Variants in VTI1A observed in about 807,000 individuals in gnomAD.
VTI1A encodes the protein vesicle transport through interaction with t-SNAREs homolog 1A.
In VTI1A, 22 loss-of-function variants were observed where a neutral mutation model predicts 34.9. The ratio of observed to expected loss-of-function variants is 0.63; its 90% CI spans 0.45 to 0.90. The LOEUF (loss-of-function observed/expected upper bound fraction) is 0.90. Among genes scored for constraint, VTI1A ranks in the 40% least tolerant of loss-of-function variants. The pLI is 0.00. For missense variants in VTI1A, 268 were observed against 275.6 expected, an observed-to-expected ratio of 0.97 and a Z score of 0.20; for synonymous variants, 87 against 97.3, an observed-to-expected ratio of 0.89 and a Z score of 0.62.
At chr10:112,763,919 C>A (rs1409246522) in intron 7 of VTI1A, among the ~76,000 whole-genome samples, 7 of 152,176 alleles carry the variant, frequency 4.6e-5, no homozygotes, top group African/African-American at 1.7e-4. Flanking sequence ...TGATCTCAAT[C>A]GGTTTATCTG....
chr10:112,517,881 A>T (rs935738352), intron 3 of VTI1A, among the ~76,000 whole-genome samples: 1 of 152,048 alleles, frequency 6.6e-6, no homozygotes, highest in African/African-American at 2.4e-5. Flanking sequence ...CTTGGATGGG[A>T]TCCTGGAATA....
At chr10:112,627,655 G>T (rs987433711) in intron 5 of VTI1A, among the ~76,000 whole-genome samples, 1 of 151,994 alleles carries the variant, frequency 6.6e-6, no homozygotes, top group Non-Finnish European at 1.5e-5. Flanking sequence ...ACACATACAT[G>T]TGCATATATT....
intron 7 of VTI1A, among the ~76,000 whole-genome samples, chr10:112,787,679 C>A (rs1181266776): frequency 7.5e-6 from 1 of 133,370 alleles, no homozygotes; most frequent in Admixed American, 7.9e-5. Flanking sequence ...AAATTAGTTT[C>A]TTTTTTCTTT....
chr10:112,745,364 G>A (rs577197174), intron 7 of VTI1A, among the ~76,000 whole-genome samples: 2 of 152,230 alleles, frequency 1.3e-5, no homozygotes, highest in African/African-American at 4.8e-5. Context: ...TATATGAGCT[G>A]TAGGATTTGG....
At chr10:112,744,335 A>G (rs943912804) in intron 7 of VTI1A, among the ~76,000 whole-genome samples, 1 of 152,174 alleles carries the variant, frequency 6.6e-6, no homozygotes, top group Non-Finnish European at 1.5e-5. Context: ...TTCTGGCTAG[A>G]AATTTAAAAA....
chr10:112,725,701 A>G (rs1308397354), intron 7 of VTI1A, among the ~76,000 whole-genome samples: 1 of 152,252 alleles, frequency 6.6e-6, no homozygotes, highest in Non-Finnish European at 1.5e-5. Flanking sequence ...TACAGTTCAT[A>G]TCAGAAAAGC....
chr10:112,808,289 T>C (rs1422370553), intron 7 of VTI1A, among the ~76,000 whole-genome samples: 1 of 151,764 alleles, frequency 6.6e-6, no homozygotes, highest in East Asian at 2.0e-4. Context: ...TGGAACCTCA[T>C]GAATTTGCAG....
At chr10:112,469,965 G>A (rs536359654) in intron 3 of VTI1A, among the ~76,000 whole-genome samples, 4 of 152,164 alleles carry the variant, frequency 2.6e-5, no homozygotes, top group African/African-American at 7.2e-5. Context: ...CTCCCCCTCC[G>A]TGTGCTGCAA....
chr10:112,548,628 AT>A, intron 5 of VTI1A: 1 of 1,030,036 alleles, frequency 9.7e-7, no homozygotes, highest in Non-Finnish European at 1.5e-6. Context: ...GATAATATTC[AT>A]TTAGCCTTCT....
chr10:112,618,524 T>TATATATATATATATAGAGAGAGAGAG (rs748276058), intron 5 of VTI1A, among the ~76,000 whole-genome samples: 1 of 34,580 alleles, frequency 2.9e-5, no homozygotes. Flanking sequence ...TATATATATA[T>TATATATATATATATAGAGAGAGAGAG]AGAGAGAGAG....
At chr10:112,797,964 A>T (rs1852731015) in intron 7 of VTI1A, among the ~76,000 whole-genome samples, 1 of 152,190 alleles carries the variant, frequency 6.6e-6, no homozygotes, top group Admixed American at 6.5e-5. Flanking sequence ...TGTGAGATAG[A>T]AACTCAGCCT....
chr10:112,532,373 A>G (rs905162291), intron 4 of VTI1A, among the ~76,000 whole-genome samples: 1 of 152,240 alleles, frequency 6.6e-6, no homozygotes, highest in Non-Finnish European at 1.5e-5. Context: ...TTTAAAAATT[A>G]TCAGTCGTAG....
At chr10:112,842,743 A>G in the VTI1A span, among the ~76,000 whole-genome samples, 1 of 152,222 alleles carries the variant, frequency 6.6e-6, no homozygotes, top group African/African-American at 2.4e-5. Flanking sequence ...AAATGCAGCA[A>G]GCATCCACCT....
intron 4 of VTI1A, among the ~76,000 whole-genome samples, chr10:112,534,229 T>C (rs1850544972): frequency 6.6e-6 from 1 of 152,192 alleles, no homozygotes; most frequent in Admixed American, 6.5e-5. Flanking sequence ...AAATATTTAC[T>C]GCAATGTTTA....
intron 7 of VTI1A, among the ~76,000 whole-genome samples, chr10:112,747,662 T>C (rs556057043): frequency 2.0e-5 from 3 of 152,316 alleles, no homozygotes; most frequent in African/African-American, 7.2e-5. Flanking sequence ...AAATATGTAT[T>C]GGTCCCCGAA....
intron 7 of VTI1A, among the ~76,000 whole-genome samples, chr10:112,791,678 A>G (rs74156814): frequency 0.016 from 2,460 of 152,250 alleles, 73 homozygotes; most frequent in African/African-American, 0.057. Context: ...TGCTTGTTTT[A>G]TACATTTCCA....
At chr10:112,842,728 G>A in the VTI1A span, among the ~76,000 whole-genome samples, 1 of 152,156 alleles carries the variant, frequency 6.6e-6, no homozygotes, top group Admixed American at 6.5e-5. Flanking sequence ...CAGAAAACGG[G>A]GAGCAAATGC....
At chr10:112,727,418 C>G (rs1850072779) in intron 7 of VTI1A, among the ~76,000 whole-genome samples, 1 of 132,066 alleles carries the variant, frequency 7.6e-6, no homozygotes, top group African/African-American at 3.6e-5. Context: ...CTAATGATAC[C>G]CTGCAGGGAA....
At chr10:112,477,622 A>G (rs1024734182) in intron 3 of VTI1A, among the ~76,000 whole-genome samples, 5 of 152,246 alleles carry the variant, frequency 3.3e-5, no homozygotes, top group African/African-American at 9.6e-5. Flanking sequence ...ATGGAGAAAG[A>G]GTGTTAGATT....
Sources: gnomAD v4.1 joint callset for allele counts (sites outside exome capture counted in the v4.1 genomes callset) on GRCh38, gnomAD v4.1.1 for gene constraint, MANE v1.5 for transcripts, NCBI Gene and HGNC (gene_info 2026-07-23, HGNC 2026-07-21) for gene names.